The following OTOF variants were observed in gnomAD, a reference collection of about 807,000 sequenced individuals.
The protein encoded by OTOF is otoferlin, also known as fer-1-like family member 2.
OTOF carries 218 observed loss-of-function variants against 236.8 expected under a neutral mutation model. The observed-to-expected ratio is 0.92, with a 90% CI of 0.82 to 1.03. The LOEUF (loss-of-function observed/expected upper bound fraction) is 1.03, where lower values mean the gene tolerates loss of function less well. OTOF is among the 50% of genes least tolerant of loss of function. The pLI is 0.00. For synonymous variants in OTOF, 1,041 were observed against 1,072.5 expected (o/e 0.97, Z 0.57); for missense variants, 2,590 against 2,694.4 (o/e 0.96, Z 0.86).
chr2:26,558,458 G>A (rs753646032), intron 1 of OTOF, 35 bp downstream of exon 1: 5 of 1,590,920 alleles, frequency 3.1e-6, no homozygotes, highest in Middle Eastern at 3.3e-4. Flanking sequence ...CCAGCTCTCA[G>A]AGCTGGCGTC....
chr2:26,530,576 C>T (rs543304540), intron 2 of OTOF, among the ~76,000 whole-genome samples: 115 of 152,306 alleles, frequency 7.6e-4, no homozygotes, highest in Admixed American at 3.1e-3. Context: ...CTTACAGTTT[C>T]CTTTCTTTCC....
At chr2:26,495,523 T>C (rs748092797) in intron 8 of OTOF, among the ~76,000 whole-genome samples, 3 of 152,154 alleles carry the variant, frequency 2.0e-5, no homozygotes, top group Non-Finnish European at 4.4e-5. Context: ...CCTCCTGGGT[T>C]CAAGTGATTC....
chr2:26,464,068 C>G lies in OTOF; in HGVS notation c.4999G>C (p.Ala1667Pro). The G allele has an allele frequency of 6.2e-7, 1 of 1,613,646 alleles. No individual in the cohort carries two copies. Among genetic ancestry groups the G allele is most frequent in the South Asian group, 1.1e-5 (1 of 91,084 alleles). The part of the protein sequence containing the change: ...KPTDEHVALL[A>P]LRHWEDIPRA... ...GGGATGTCCTCCCAGTGCCTCAGGG[C>G]CAACAGCGCCACATGCTCGTCTGTG... Residue 1667 changes from alanine (A) to proline (P), a missense_variant, in exon 40 of 47, where the codon GCC (alanine) becomes CCC (proline). Ala to Pro is a conservative substitution (Grantham distance 27, BLOSUM62 -1). Around this residue, in one of 2 missense-constraint regions of OTOF, gnomAD observed 1,211 missense variants for 1,352.8 expected, o/e 0.90. Transcript: ENST00000272371.
intron 34 of OTOF, 37 bp from the exon 35 acceptor site, chr2:26,467,270 G>A (rs1664777752): frequency 2.5e-6 from 4 of 1,613,892 alleles, no homozygotes; most frequent in African/African-American, 2.7e-5. Flanking sequence ...CGGCTGCCTG[G>A]TCTCTGGCTT....
At chr2:26,464,129 T>G (rs755425273) in intron 39 of OTOF, 23 bp from the exon 40 acceptor site, 10 of 1,612,726 alleles carry the variant, frequency 6.2e-6, no homozygotes, top group Middle Eastern at 3.3e-4. Context: ...GCGGCTCAGC[T>G]GCACACATGG....
At position 26,477,994 on chromosome 2, in the gene OTOF, G is replaced by A; in HGVS notation, c.2215-245C>T. 4 of 1,455,720 alleles carry A rather than the reference G, an allele frequency of 2.7e-6. No homozygotes were observed. Among genetic ancestry groups the A allele is most frequent in the African/African-American group, 1.4e-5 (1 of 70,048 alleles). 90.2% of individuals were successfully genotyped at this position (1,455,720 alleles called of 1,614,324 possible). ...TGAAGGAAGAAGCCACCTCTGGGCTGTGAGTCTGTGGCTCTGGTGAGCTCA... is the reference window on the plus strand; with the variant it reads ...TGAAGGAAGAAGCCACCTCTGGGCTATGAGTCTGTGGCTCTGGTGAGCTCA... On this transcript the variant is annotated intron_variant, in intron 18 of 46. Transcript: ENST00000272371. The surrounding 1 kb of genome is among the most constrained non-coding windows in gnomAD (Gnocchi z 4.7).
At chr2:26,528,346 G>T (rs910369865) in intron 2 of OTOF, among the ~76,000 whole-genome samples, 2 of 152,204 alleles carry the variant, frequency 1.3e-5, no homozygotes, top group Non-Finnish European at 2.9e-5. Context: ...TTTGGTGGGT[G>T]CTGAATGGAG....
intron 46 of OTOF, among the ~76,000 whole-genome samples, chr2:26,458,483 G>T (rs566026663): frequency 1.2e-4 from 19 of 152,328 alleles, no homozygotes; most frequent in African/African-American, 4.6e-4. Flanking sequence ...GGCAGCCTTG[G>T]CCCTGCAGGC....
Position 26,475,970 on chromosome 2 carries a change from C to G in OTOF, c.2935G>C (p.Gly979Arg). The change falls in exon 24 of 47, where the codon GGA (glycine) becomes CGA (arginine). Residue 979 changes from glycine to arginine, a missense_variant. Coordinates refer to ENST00000272371, the MANE Select transcript of OTOF (RefSeq NM_194248.3). Reference sequence around the variant, plus strand: ...ACGCGGGCAAAGGGGTCTGAGAGTCCGCTGCTGTCGGCGGCAAAGAGGCTG... The same window carrying G: ...ACGCGGGCAAAGGGGTCTGAGAGTCGGCTGCTGTCGGCGGCAAAGAGGCTG... ...ARSLFAADSS[G>R]LSDPFARVFF... 6.2e-7 allele frequency: 1 copy of G among 1,612,378 alleles called. No individual in the cohort carries two copies. The highest frequency in any genetic ancestry group is 8.5e-7 in the Non-Finnish European group (1 of 1,179,794).
Position 26,460,838 on chromosome 2 carries a change from G to T in OTOF, c.5712+14C>A, listed in dbSNP as rs761905987. The T allele has an allele frequency of 6.2e-7, 1 of 1,614,068 alleles. No homozygotes were observed. Among genetic ancestry groups the T allele is most frequent in the South Asian group, 1.1e-5 (1 of 91,088 alleles). ...CCAGCCCTGCCTACTGCCCGAGCAG[G>T]AAGGGGTGCGCACCGTGAGCTCAAA... On this transcript the variant is annotated intron_variant, in intron 44 of 46. Coordinates refer to ENST00000272371, the MANE Select transcript of OTOF (RefSeq NM_194248.3). The surrounding 1 kb of genome is among the most constrained non-coding windows in gnomAD (Gnocchi z 5.3).
chr2:26,545,593 T>C (rs1406906321), intron 1 of OTOF, among the ~76,000 whole-genome samples: 8 of 152,176 alleles, frequency 5.3e-5, no homozygotes, highest in Non-Finnish European at 8.8e-5. Flanking sequence ...GTTTAGTCTT[T>C]TAAAATTTTT....
intron 24 of OTOF, 120 bp from the exon 25 acceptor site, chr2:26,475,613 T>A: frequency 8.7e-7 from 1 of 1,154,694 alleles, no homozygotes; most frequent in Non-Finnish European, 1.3e-6. Context: ...GACAGGTGTC[T>A]TGATTCTTCC....
At chr2:26,478,738 G>A (rs965885090) in intron 18 of OTOF, among the ~76,000 whole-genome samples, 3 of 152,070 alleles carry the variant, frequency 2.0e-5, no homozygotes, top group Non-Finnish European at 2.9e-5. Flanking sequence ...TTGCTCGGTT[G>A]CCCAGGCTGG....
chr2:26,528,891 C>A (rs1666873591), intron 2 of OTOF, among the ~76,000 whole-genome samples: 1 of 152,232 alleles, frequency 6.6e-6, no homozygotes, highest in Admixed American at 6.5e-5. Context: ...AGAGGGGCAG[C>A]ATGGCATGCA....
At chr2:26,488,087 G>A (rs1338572313) in intron 11 of OTOF, among the ~76,000 whole-genome samples, 1 of 152,174 alleles carries the variant, frequency 6.6e-6, no homozygotes, top group African/African-American at 2.4e-5. Context: ...TCTTGGTTTT[G>A]GACTCAGATT....
Position 26,519,033 on chromosome 2 carries a change from C to G in OTOF, c.304G>C (p.Asp102His). Residue 102 changes from aspartate (D) to histidine (H), a missense_variant, in exon 4 of 47, where the codon GAT becomes CAT. Asp to His is a moderately conservative substitution (Grantham distance 81). This residue lies in a region of OTOF where 1,379 missense variants were observed against 1,341.6 expected (regional missense o/e 1.03). Coordinates refer to ENST00000272371, the MANE Select transcript of OTOF (RefSeq NM_194248.3). ...SHVEVTDTLI[D>H]DNNAIIKTSL... ...ACCTTGATGATAGCATTGTTGTCAT[C>G]AATCAGCGTGTCAGTCACCTCCACA... 1 of 1,609,820 alleles carries G rather than the reference C, an allele frequency of 6.2e-7. No homozygotes were observed. Among genetic ancestry groups the G allele is most frequent in the Non-Finnish European group, 8.5e-7 (1 of 1,177,574 alleles).
At chr2:26,502,275 G>C (rs771825024) in intron 7 of OTOF, 25 bp downstream of exon 7, 1 of 1,613,552 alleles carries the variant, frequency 6.2e-7, no homozygotes, top group Non-Finnish European at 8.5e-7. Flanking sequence ...GGGCAGCTGG[G>C]GTTGCAGGGC....
intron 24 of OTOF, 119 bp downstream of exon 24, chr2:26,475,795 G>T: frequency 1.5e-6 from 2 of 1,344,298 alleles, no homozygotes; most frequent in Non-Finnish European, 2.1e-6. Flanking sequence ...CCGGGGCACT[G>T]GCTGACCTGT....
In OTOF at chr2:26,484,495, G is replaced by C; in HGVS notation, c.1184C>G (p.Thr395Ser). 1 of 1,614,064 alleles carries C rather than the reference G, an allele frequency of 6.2e-7. No individual in the cohort carries two copies. The highest frequency in any genetic ancestry group is 8.5e-7 in the Non-Finnish European group (1 of 1,180,026). ...NIKTPHKANE[T>S]DEDDIEGNLL... Reference sequence around the variant, plus strand: ...TCACCCCTCAATGTCATCTTCGTCGGTCTCATTGGCCTTGTGGGGCGTCTT... The same window carrying C: ...TCACCCCTCAATGTCATCTTCGTCGCTCTCATTGGCCTTGTGGGGCGTCTT... Residue 395 changes from threonine to serine, a missense_variant, in exon 12 of 47, where the codon ACC becomes AGC. By Grantham distance (58) the Thr-to-Ser change is moderately conservative (BLOSUM62 1). Coordinates refer to ENST00000272371, the MANE Select transcript of OTOF (RefSeq NM_194248.3).
Sources: gnomAD v4.1 joint callset for allele counts (sites outside exome capture counted in the v4.1 genomes callset) on GRCh38, gnomAD v4.1.1 for gene constraint, gnomAD v4.1.1 regional missense constraint, Gnocchi (gnomAD v3.1) non-coding constraint, MANE v1.5 for transcripts, NCBI Gene and HGNC (gene_info 2026-07-23, HGNC 2026-07-21) for gene names.